TANC2: variants seen among roughly 807,000 people sequenced by gnomAD.
The protein encoded by TANC2 is protein TANC2.
A neutral mutation model predicts 210.5 loss-of-function variants in TANC2; 26 were observed. The observed-to-expected ratio is 0.12, with a 90% CI of 0.09 to 0.17. The LOEUF is 0.17. Among genes scored for constraint, TANC2 ranks in the 10% least tolerant of loss-of-function variants. The pLI is 1.00. For synonymous variants in TANC2, 931 were observed against 967.1 expected (o/e 0.96, Z 0.69); for missense variants, 2,129 against 2,608.9 (o/e 0.82, Z 4.01).
At chr17:63,115,524 A>G (rs899753141) in intron 4 of TANC2, among the ~76,000 whole-genome samples, 2 of 152,212 alleles carry the variant, frequency 1.3e-5, no homozygotes, top group African/African-American at 2.4e-5. Context: ...TGTATCTACT[A>G]TAATTCTAAA....
intron 3 of TANC2, among the ~76,000 whole-genome samples, chr17:63,083,214 A>AC (rs1401181010): frequency 6.6e-6 from 1 of 152,184 alleles, no homozygotes; most frequent in African/African-American, 2.4e-5. Flanking sequence ...CAGAGCCATG[A>AC]CATAACTACT....
At chr17:63,287,657 C>G (rs1228962249) in intron 9 of TANC2, among the ~76,000 whole-genome samples, 1 of 151,330 alleles carries the variant, frequency 6.6e-6, no homozygotes, top group Non-Finnish European at 1.5e-5. Context: ...TAAGACCCTT[C>G]TGAGTATTCT....
chr17:63,331,961 G>A, intron 11 of TANC2: 1 of 278,796 alleles, frequency 3.6e-6, no homozygotes, highest in South Asian at 4.3e-5. Context: ...GTTAAATACA[G>A]ACGTATTTTC....
At chr17:62,979,095 C>T (rs1380862943) in intron 1 of TANC2, among the ~76,000 whole-genome samples, 1 of 152,084 alleles carries the variant, frequency 6.6e-6, no homozygotes, top group African/African-American at 2.4e-5. Context: ...CGTTATACCA[C>T]TGTCTTCAAG....
At chr17:63,274,226 A>G (rs540328055) in intron 9 of TANC2, among the ~76,000 whole-genome samples, 102 of 146,446 alleles carry the variant, frequency 7.0e-4, no homozygotes, top group South Asian at 1.1e-3. Flanking sequence ...TTTTTTTTTC[A>G]CTCTTCAAGA....
chr17:63,024,123 C>T (rs980458570), intron 2 of TANC2, among the ~76,000 whole-genome samples: 1 of 151,898 alleles, frequency 6.6e-6, no homozygotes, highest in African/African-American at 2.4e-5. Flanking sequence ...GAACTGTTAC[C>T]AGAAAGGGGT....
At chr17:63,062,600 TTCTAGTGATTGCC>T in intron 2 of TANC2, among the ~76,000 whole-genome samples, 1 of 152,288 alleles carries the variant, frequency 6.6e-6, no homozygotes, top group East Asian at 1.9e-4. Flanking sequence ...GTGAGTTGCA[TTCTAGTGATTGCC>T]AGTTTCGTGG....
intron 5 of TANC2, among the ~76,000 whole-genome samples, chr17:63,189,358 C>G (rs2041109359): frequency 6.6e-6 from 1 of 152,172 alleles, no homozygotes; most frequent in Non-Finnish European, 1.5e-5. Flanking sequence ...TTCAAAGTGT[C>G]TGCACAATTT....
chr17:63,017,976 T>TA (rs909723851), intron 2 of TANC2, among the ~76,000 whole-genome samples: 9 of 150,888 alleles, frequency 6.0e-5, no homozygotes, highest in Admixed American at 4.6e-4. Flanking sequence ...AACTTGTCTC[T>TA]AAAAAAAAGA....
intron 1 of TANC2, among the ~76,000 whole-genome samples, chr17:62,992,544 T>G (rs553062309): frequency 6.6e-6 from 1 of 152,394 alleles, no homozygotes; most frequent in Non-Finnish European, 1.5e-5. Flanking sequence ...AGAAAAAGTG[T>G]AGAGTCATTT....
chr17:63,078,703 A>C (rs932049804), intron 3 of TANC2, among the ~76,000 whole-genome samples: 3 of 152,128 alleles, frequency 2.0e-5, no homozygotes, highest in Non-Finnish European at 4.4e-5. Flanking sequence ...TTTTTCAGAT[A>C]TCTTTCTCTT....
intron 2 of TANC2, among the ~76,000 whole-genome samples, chr17:63,059,937 G>T (rs1444536012): frequency 2.0e-5 from 3 of 152,154 alleles, no homozygotes; most frequent in African/African-American, 7.2e-5. Context: ...CATGTCCACT[G>T]CTACTGGATC....
exon 10 of TANC2, chr17:63,314,467 A>G (rs1372173695): frequency 1.2e-6 from 2 of 1,613,928 alleles, no homozygotes; most frequent in South Asian, 1.1e-5. Flanking sequence ...CTACAGAGTC[A>G]GTGTTTGTTG....
intron 9 of TANC2, among the ~76,000 whole-genome samples, chr17:63,280,388 G>A (rs940247494): frequency 2.0e-5 from 3 of 151,836 alleles, no homozygotes; most frequent in Non-Finnish European, 4.4e-5. Flanking sequence ...TTTTAATTCA[G>A]TTTAGGTATT....
At chr17:63,186,630 A>G (rs1014931638) in intron 5 of TANC2, among the ~76,000 whole-genome samples, 2 of 152,132 alleles carry the variant, frequency 1.3e-5, no homozygotes, top group African/African-American at 4.8e-5. Flanking sequence ...TGCTGGGATT[A>G]CAGGCGTGAG....
At chr17:63,290,415 T>C (rs1342318008) in intron 9 of TANC2, among the ~76,000 whole-genome samples, 1 of 152,196 alleles carries the variant, frequency 6.6e-6, no homozygotes, top group African/African-American at 2.4e-5. Context: ...CCCTCACCTC[T>C]TATGGATCCT....
At chr17:63,108,841 A>G (rs2037924945) in intron 4 of TANC2, among the ~76,000 whole-genome samples, 2 of 151,176 alleles carry the variant, frequency 1.3e-5, no homozygotes, top group South Asian at 4.1e-4. Flanking sequence ...AAAAATAAAA[A>G]ATTTTAAAAA....
At chr17:63,010,749 A>G (rs2033830645) in intron 2 of TANC2, among the ~76,000 whole-genome samples, 1 of 152,104 alleles carries the variant, frequency 6.6e-6, no homozygotes, top group South Asian at 2.1e-4. Context: ...ACTCATGAAA[A>G]CAGTTTCTTT....
At chr17:63,114,723 G>C (rs2038187642) in intron 4 of TANC2, among the ~76,000 whole-genome samples, 1 of 151,852 alleles carries the variant, frequency 6.6e-6, no homozygotes, top group Non-Finnish European at 1.5e-5. Flanking sequence ...TTTTAATATA[G>C]CAAGACTGAA....
Sources: allele counts gnomAD v4.1 joint callset (sites outside exome capture counted in the v4.1 genomes callset), GRCh38; gene constraint gnomAD v4.1.1; transcripts MANE v1.5; gene names NCBI Gene and HGNC (gene_info 2026-07-23, HGNC 2026-07-21).